AQP7B: variants seen among roughly 807,000 people sequenced by gnomAD.
The protein encoded by AQP7B is aquaporin 7B.
the AQP7B span, among the ~76,000 whole-genome samples, chr2:94,590,308 C>A: frequency 6.6e-6 from 1 of 152,246 alleles, no homozygotes; most frequent in Non-Finnish European, 1.5e-5. Context: ...TCAGCCCCCA[C>A]CCCAGCTGGG....
the AQP7B span, chr2:94,594,893 G>A: frequency 1.6e-5 from 22 of 1,388,916 alleles, no homozygotes; most frequent in South Asian, 1.6e-4. Flanking sequence ...TGGGCAGCAC[G>A]AAGTGGGTGG....
chr2:94,600,349 A>G, the AQP7B span, among the ~76,000 whole-genome samples: 5 of 152,214 alleles, frequency 3.3e-5, no homozygotes, highest in Non-Finnish European at 7.3e-5. Context: ...ATCCACATTA[A>G]AAAGGTAAAA....
chr2:94,603,422 C>T, the AQP7B span: 1 of 1,609,640 alleles, frequency 6.2e-7, no homozygotes, highest in Non-Finnish European at 8.5e-7. Flanking sequence ...CTGATGGTGA[C>T]CGGTCCCTTT....
At chr2:94,604,108 T>C in the AQP7B span, among the ~76,000 whole-genome samples, 3 of 152,164 alleles carry the variant, frequency 2.0e-5, no homozygotes, top group Non-Finnish European at 4.4e-5. Flanking sequence ...ATCCTGCACC[T>C]GCACTGAGTA....
At chr2:94,602,702 C>A in the AQP7B span, 33 of 1,358,672 alleles carry the variant, frequency 2.4e-5, no homozygotes, top group African/African-American at 4.0e-4. Flanking sequence ...GCTCCTTTCC[C>A]AGCACAGCCA....
the AQP7B span, among the ~76,000 whole-genome samples, chr2:94,599,601 C>T: frequency 6.6e-6 from 1 of 152,140 alleles, no homozygotes; most frequent in Non-Finnish European, 1.5e-5. Context: ...GCGGGGTCCT[C>T]TCCTTCCTGG....
the AQP7B span, among the ~76,000 whole-genome samples, chr2:94,602,235 A>G: frequency 6.6e-6 from 1 of 151,632 alleles, no homozygotes; most frequent in Admixed American, 6.6e-5. Flanking sequence ...AGGTGCTTGG[A>G]TGTTTGTCGT....
At chr2:94,603,122 G>T in the AQP7B span, 1 of 1,560,420 alleles carries the variant, frequency 6.4e-7, no homozygotes, top group Non-Finnish European at 8.7e-7. Context: ...ATGTGCTGGG[G>T]CAGTTCCTGG....
chr2:94,598,314 C>T, the AQP7B span, among the ~76,000 whole-genome samples: 9 of 152,160 alleles, frequency 5.9e-5, no homozygotes, highest in South Asian at 6.2e-4. Context: ...GCAGCCAGGA[C>T]GAGGGAAGTG....
the AQP7B span, chr2:94,602,760 G>A: frequency 4.7e-5 from 43 of 922,578 alleles, no homozygotes; most frequent in African/African-American, 5.4e-4. Context: ...TCTGAACCCC[G>A]TGCCTATGAC....
the AQP7B span, among the ~76,000 whole-genome samples, chr2:94,592,650 T>C: frequency 6.6e-6 from 1 of 151,830 alleles, no homozygotes; most frequent in Non-Finnish European, 1.5e-5. Flanking sequence ...ACCAAGGGAA[T>C]CCTGGAAGCC....
the AQP7B span, among the ~76,000 whole-genome samples, chr2:94,597,425 T>G: frequency 6.6e-6 from 1 of 152,284 alleles, no homozygotes; most frequent in East Asian, 1.9e-4. Context: ...TCCCGGGCTC[T>G]GTGATGCTAA....
chr2:94,598,354 G>A, the AQP7B span, among the ~76,000 whole-genome samples: 1 of 152,222 alleles, frequency 6.6e-6, no homozygotes, highest in African/African-American at 2.4e-5. Context: ...TTCCAGGGGT[G>A]TTGCCCTTGG....
the AQP7B span, among the ~76,000 whole-genome samples, chr2:94,588,270 T>G: frequency 6.6e-6 from 1 of 151,728 alleles, no homozygotes; most frequent in African/African-American, 2.4e-5. Flanking sequence ...CACTGGAGGG[T>G]CTGGCCTGGG....
At chr2:94,602,810 C>A in the AQP7B span, among the ~76,000 whole-genome samples, 1 of 152,196 alleles carries the variant, frequency 6.6e-6, no homozygotes, top group African/African-American at 2.4e-5. Context: ...CCTGACCTAC[C>A]ATTTTCACTG....
the AQP7B span, chr2:94,602,576 G>A: frequency 4.1e-5 from 66 of 1,600,826 alleles, no homozygotes; most frequent in African/African-American, 9.4e-5. Context: ...TTTTGGCTTC[G>A]GGGTCACCAT....
the AQP7B span, among the ~76,000 whole-genome samples, chr2:94,590,339 C>T: frequency 3.5e-4 from 53 of 152,220 alleles, 1 homozygote; most frequent in South Asian, 8.5e-3. Context: ...CCTACCACCA[C>T]GCCCAGCTAA....
the AQP7B span, among the ~76,000 whole-genome samples, chr2:94,600,793 C>G: frequency 6.6e-6 from 1 of 151,726 alleles, no homozygotes; most frequent in African/African-American, 2.4e-5. Context: ...GCAGGAGAAT[C>G]ACTTGAACCC....
At chr2:94,599,692 C>G in the AQP7B span, among the ~76,000 whole-genome samples, 1 of 152,042 alleles carries the variant, frequency 6.6e-6, no homozygotes, top group Non-Finnish European at 1.5e-5. Context: ...TGTCCTTTAT[C>G]TTCAGCCCGT....
Sources: gnomAD v4.1 joint callset for allele counts (sites outside exome capture counted in the v4.1 genomes callset) on GRCh38, gnomAD v4.1.1 for gene constraint, MANE v1.5 for transcripts, NCBI Gene and HGNC (gene_info 2026-07-23, HGNC 2026-07-21) for gene names.